ZC4H2: variants seen among roughly 807,000 people sequenced by gnomAD.
ZC4H2 encodes the protein zinc finger C4H2 domain-containing protein.
For missense variants in ZC4H2, 137 were observed against 173.9 expected (o/e 0.79, Z 1.19); for synonymous variants, 84 against 66.3 (o/e 1.27, Z -1.30).
chrX:65,027,697 G>T (rs746293784), intron 1 of ZC4H2, among the ~76,000 whole-genome samples: 9 of 111,649 alleles, frequency 8.1e-5, no homozygotes, highest in African/African-American at 2.9e-4. Context: ...CTTGGGATTA[G>T]ATCATACTTT....
At chrX:64,996,909 G>A (rs1932425547) in intron 1 of ZC4H2, among the ~76,000 whole-genome samples, 1 of 111,759 alleles carries the variant, frequency 8.9e-6, no homozygotes, top group Non-Finnish European at 1.9e-5. Flanking sequence ...AAGAGAGAGA[G>A]AGAAATGGTA....
chrX:64,949,615 T>C (rs1004318443), intron 1 of ZC4H2, among the ~76,000 whole-genome samples: 6 of 111,904 alleles, frequency 5.4e-5, no homozygotes, highest in African/African-American at 1.9e-4. Flanking sequence ...CCTCAGGTTA[T>C]ATTTTAGTGA....
rs762847718 is a variant in ZC4H2, at chrX:64,946,917, T to C, written c.54-24929A>G. The stretch of plus-strand genomic sequence containing the variant: ...TTATTTTTCTCTTCTTCCTCGAGTT[T>C]CTTGAAGTGGGAGCTTAGATTATTG... On this transcript the variant is annotated intron_variant, in intron 1 of 4. Coordinates refer to ENST00000374839, the MANE Select transcript of ZC4H2 (RefSeq NM_018684.4). Among the ~76,000 whole-genome samples the C allele has an allele frequency of 1.4e-3, 152 of 111,892 alleles. 1 individual carries two copies. Among genetic ancestry groups the C allele is most frequent in the African/African-American group, 4.9e-3 (150 of 30,820 alleles).
chrX:64,975,663 C>T (rs2147420877), intron 1 of ZC4H2, among the ~76,000 whole-genome samples: 1 of 112,020 alleles, frequency 8.9e-6, no homozygotes, highest in Non-Finnish European at 1.9e-5. Flanking sequence ...GCAACTCCCA[C>T]TTTGCCAGCC....
intron 1 of ZC4H2, among the ~76,000 whole-genome samples, chrX:64,991,182 A>T (rs1248403423): frequency 8.9e-6 from 1 of 111,963 alleles, no homozygotes; most frequent in East Asian, 2.8e-4. Flanking sequence ...TAGCTGAAAG[A>T]TCTGAATATT....
At chrX:64,919,332 C>T (rs1018726039) in intron 3 of ZC4H2, 128 bp from the exon 4 acceptor site, 2 of 715,498 alleles carry the variant, frequency 2.8e-6, no homozygotes, top group African/African-American at 2.1e-5. Flanking sequence ...CACACCTTCC[C>T]AAGCACAAGG....
chrX:64,978,736 G>GA (rs762878006), upstream of ZC4H2, among the ~76,000 whole-genome samples: 303 of 106,913 alleles, frequency 2.8e-3, 3 homozygotes, highest in Middle Eastern at 9.6e-3. Flanking sequence ...AGTGTGTCTG[G>GA]AAAAAAAAAA....
At chrX:64,990,669 C>T (rs1932292616) in intron 1 of ZC4H2, among the ~76,000 whole-genome samples, 1 of 111,600 alleles carries the variant, frequency 9.0e-6, no homozygotes. Flanking sequence ...AGTCAACTAC[C>T]TCCACTCACC....
chrX:65,011,429 A>G (rs1360237834), intron 1 of ZC4H2, among the ~76,000 whole-genome samples: 1 of 111,518 alleles, frequency 9.0e-6, no homozygotes, highest in Non-Finnish European at 1.9e-5. Context: ...GGATTTAGCG[A>G]GGCCCTGGGT....
intron 3 of ZC4H2, chrX:64,919,459 T>C (rs1419402709): frequency 3.1e-6 from 1 of 325,943 alleles, no homozygotes. Flanking sequence ...CCTTAAAGGG[T>C]ATTCAGTCCT....
intron 1 of ZC4H2, among the ~76,000 whole-genome samples, chrX:64,964,155 T>C (rs1388789690): frequency 9.0e-6 from 1 of 111,096 alleles, no homozygotes; most frequent in Non-Finnish European, 1.9e-5. Context: ...ATTATAAATA[T>C]AAAATTTGTT....
At chrX:65,014,879 A>G (rs6524952) in intron 1 of ZC4H2, among the ~76,000 whole-genome samples, 1 of 111,916 alleles carries the variant, frequency 8.9e-6, no homozygotes, top group African/African-American at 3.2e-5. Flanking sequence ...ATTTCATATA[A>G]TTCTCAATAT....
chrX:64,967,927 T>C (rs1436170732), intron 1 of ZC4H2, among the ~76,000 whole-genome samples: 4 of 111,765 alleles, frequency 3.6e-5, no homozygotes, highest in South Asian at 3.8e-4. Flanking sequence ...GCTCAATCAT[T>C]ACATTTGGAA....
At chrX:65,002,413 G>A (rs1434944073) in intron 1 of ZC4H2, among the ~76,000 whole-genome samples, 2 of 106,758 alleles carry the variant, frequency 1.9e-5, no homozygotes, top group Non-Finnish European at 2.0e-5. Context: ...GTCAGCCCCC[G>A]CCCGGCCAGC....
At chrX:64,943,090 C>CT (rs752131436) in intron 1 of ZC4H2, among the ~76,000 whole-genome samples, 1 of 111,867 alleles carries the variant, frequency 8.9e-6, no homozygotes, top group Non-Finnish European at 1.9e-5. Context: ...TGATGATGAG[C>CT]TTTTTTTCAT....
At chrX:65,026,275 C>T (rs1197590350) in intron 1 of ZC4H2, among the ~76,000 whole-genome samples, 3 of 111,879 alleles carry the variant, frequency 2.7e-5, no homozygotes, top group Non-Finnish European at 5.6e-5. Context: ...ATAAATTATT[C>T]AGGCAAAATG....
At chrX:65,002,433 C>T (rs1273641157) in intron 1 of ZC4H2, among the ~76,000 whole-genome samples, 3 of 108,017 alleles carry the variant, frequency 2.8e-5, no homozygotes, top group Non-Finnish European at 3.9e-5. Flanking sequence ...CCGCCCCATC[C>T]GGGAGGTGGG....
At chrX:64,929,009 C>T (rs1048472098) in intron 1 of ZC4H2, among the ~76,000 whole-genome samples, 2 of 107,775 alleles carry the variant, frequency 1.9e-5, no homozygotes, top group East Asian at 2.9e-4. Flanking sequence ...ATGCCTCAGC[C>T]TCCCAAATAC....
intron 1 of ZC4H2, among the ~76,000 whole-genome samples, chrX:64,994,225 C>T (rs1024213746): frequency 7.2e-5 from 8 of 111,386 alleles, no homozygotes; most frequent in Non-Finnish European, 1.1e-4. Flanking sequence ...CACAACAATG[C>T]TATGAATTAG....
Sources: gnomAD v4.1 joint callset for allele counts (sites outside exome capture counted in the v4.1 genomes callset) on GRCh38, gnomAD v4.1.1 for gene constraint, MANE v1.5 for transcripts, NCBI Gene and HGNC (gene_info 2026-07-23, HGNC 2026-07-21) for gene names.